Variants in ARMH3 observed in about 807,000 individuals in gnomAD.
ARMH3 encodes armadillo-like helical domain-containing protein 3.
In ARMH3, 60 loss-of-function variants were observed where a neutral mutation model predicts 99.1. The observed-to-expected ratio is 0.61, with a 90% CI of 0.49 to 0.75. The LOEUF is 0.75. ARMH3 is among the 30% of genes least tolerant of loss of function. The pLI, the probability that ARMH3 is intolerant of heterozygous loss-of-function variation, is 0.00. For missense variants in ARMH3, 679 were observed against 843.1 expected (o/e 0.81, Z 2.41); for synonymous variants, 285 against 292.8 (o/e 0.97, Z 0.27).
In ARMH3 at chr10:102,002,079, T is replaced by C. The variant is rs752768288; in HGVS notation, c.1049-7A>G. On this transcript the variant is annotated splice_region_variant and splice_polypyrimidine_tract_variant and intron_variant, in intron 14 of 25. Coordinates refer to ENST00000370033, the MANE Select transcript of ARMH3 (RefSeq NM_024541.3). ...AGTTCCACAGAACTTATAACTGGAATAGAACAGATAAAATGCACTTAGCCT... is the reference window on the plus strand; with the variant it reads ...AGTTCCACAGAACTTATAACTGGAACAGAACAGATAAAATGCACTTAGCCT... 6.2e-7 allele frequency: 1 copy of C among 1,613,582 alleles called. No individual in the cohort carries two copies. The highest frequency in any genetic ancestry group is 8.5e-7 in the Non-Finnish European group (1 of 1,179,956).
At chr10:102,017,642 G>A (rs570470042) in intron 8 of ARMH3, among the ~76,000 whole-genome samples, 1 of 152,170 alleles carries the variant, frequency 6.6e-6, no homozygotes. Context: ...CTGTTGTAAT[G>A]AGGCCCCAGA....
intron 22 of ARMH3, among the ~76,000 whole-genome samples, chr10:101,944,257 TATATATATATATATATAGAGAGAG>T (rs1844380995): frequency 3.2e-5 from 2 of 62,138 alleles, no homozygotes; most frequent in Non-Finnish European, 5.6e-5. Context: ...TATATATATA[TATATATATATATATATAGAGAGAG>T]AGAGAGAGAG....
chr10:102,025,266 T>A lies in ARMH3; in HGVS notation c.415-18A>T. ...ATCAAGTTCTGAGAAAGAGAACCAATAAGCATTAAACCATACCAGATAACA... is the reference window on the plus strand; with the variant it reads ...ATCAAGTTCTGAGAAAGAGAACCAAAAAGCATTAAACCATACCAGATAACA... On this transcript the variant is annotated intron_variant, in intron 5 of 25. Transcript: ENST00000370033. 1 of 1,603,966 alleles carries A rather than the reference T, an allele frequency of 6.2e-7. No homozygotes were observed. Among genetic ancestry groups the A allele is most frequent in the Non-Finnish European group, 8.5e-7 (1 of 1,171,316 alleles).
At chr10:102,031,307 T>C (rs1426027178) in intron 4 of ARMH3, among the ~76,000 whole-genome samples, 1 of 152,190 alleles carries the variant, frequency 6.6e-6, no homozygotes, top group Non-Finnish European at 1.5e-5. Context: ...GAGGGCTATG[T>C]GAAATAATAC....
chr10:101,867,180 T>G lies in ARMH3; in HGVS notation c.1861-17288A>C, dbSNP rs577947991. Among the ~76,000 whole-genome samples the G allele has an allele frequency of 2.6e-5, 4 of 152,364 alleles. No homozygotes were observed. The East Asian group carries it at 7.7e-4, about 29-fold the overall frequency. ...TTATCTTGCTAATCTTCTGCTAGTCTTCTTGTTATATGACAAGAAGGCCTG... is the reference window on the plus strand; with the variant it reads ...TTATCTTGCTAATCTTCTGCTAGTCGTCTTGTTATATGACAAGAAGGCCTG... On this transcript the variant is annotated intron_variant, in intron 24 of 25. Transcript: ENST00000370033.
At chr10:101,919,398 C>T in intron 23 of ARMH3, among the ~76,000 whole-genome samples, 1 of 152,128 alleles carries the variant, frequency 6.6e-6, no homozygotes, top group South Asian at 2.1e-4. Context: ...TCCCAGCTCC[C>T]TCTCTGCTTG....
chr10:101,898,454 T>C (rs2067895232), intron 23 of ARMH3, among the ~76,000 whole-genome samples: 1 of 152,156 alleles, frequency 6.6e-6, no homozygotes, highest in African/African-American at 2.4e-5. Flanking sequence ...CAATCTCCCA[T>C]GGACAGAAGC....
chr10:101,857,372 C>T (rs1329438567), intron 24 of ARMH3, among the ~76,000 whole-genome samples: 1 of 152,080 alleles, frequency 6.6e-6, no homozygotes, highest in African/African-American at 2.4e-5. Flanking sequence ...GCAGGGGAAT[C>T]GCTTGAACCC....
rs573777162 is a variant in ARMH3 at position 102,044,997 on chromosome 10, G to A, written c.-11-4872C>T. Among the ~76,000 whole-genome samples, 3 of 152,004 alleles carry A rather than the reference G, an allele frequency of 2.0e-5. No individual in the cohort carries two copies. The South Asian group carries it at 6.2e-4, about 32-fold the overall frequency. On this transcript the variant is annotated intron_variant, in intron 1 of 25. Transcript: ENST00000370033. ...CTAAAAATATGAAAATTAGACAGGC[G>A]TGATGGCGGGAGCCTGTAATCCCAG...
chr10:101,918,297 G>C (rs1251247681), intron 23 of ARMH3, among the ~76,000 whole-genome samples: 2 of 152,102 alleles, frequency 1.3e-5, no homozygotes, highest in Admixed American at 1.3e-4. Flanking sequence ...CAAGTGATCC[G>C]CTGCCCTCGG....
At chr10:102,026,939 G>T (rs760817518) in intron 5 of ARMH3, among the ~76,000 whole-genome samples, 11 of 152,160 alleles carry the variant, frequency 7.2e-5, no homozygotes, top group South Asian at 4.1e-4. Flanking sequence ...TATCCTCAGT[G>T]CCTACCACAG....
At chr10:101,930,795 T>C (rs1225386480) in intron 23 of ARMH3, among the ~76,000 whole-genome samples, 1 of 152,186 alleles carries the variant, frequency 6.6e-6, no homozygotes, top group African/African-American at 2.4e-5. Context: ...GCTGATAAGA[T>C]TCCCAGACTT....
chr10:101,916,358 C>T (rs1468891704), intron 23 of ARMH3, among the ~76,000 whole-genome samples: 1 of 151,868 alleles, frequency 6.6e-6, no homozygotes, highest in Non-Finnish European at 1.5e-5. Context: ...AGCAACCTAC[C>T]CCCCACCCCC....
chr10:102,026,854 G>A (rs1590203452), intron 5 of ARMH3, among the ~76,000 whole-genome samples: 1 of 152,152 alleles, frequency 6.6e-6, no homozygotes, highest in East Asian at 1.9e-4. Flanking sequence ...ATTTAAAGAT[G>A]GTAAGCTTGT....
At chr10:101,923,467 G>T (rs1477884220) in intron 23 of ARMH3, among the ~76,000 whole-genome samples, 4 of 152,112 alleles carry the variant, frequency 2.6e-5, no homozygotes, top group Non-Finnish European at 5.9e-5. Flanking sequence ...CACTAGCAAG[G>T]CTTGTTTAGG....
In ARMH3 at chr10:102,010,004, G is replaced by C. The variant is rs772097407; in HGVS notation, c.851C>G (p.Ala284Gly). 9 of 1,614,020 alleles carry C rather than the reference G, an allele frequency of 5.6e-6. No homozygotes were observed. In the South Asian group the frequency reaches 9.9e-5, roughly 18 times the overall value. The change falls in exon 12 of 26, where the codon GCA becomes GGA. Residue 284 changes from alanine to glycine, a missense_variant. Ala to Gly is a moderately conservative substitution (Grantham distance 60, BLOSUM62 0). Around this residue, in one of 3 missense-constraint regions of ARMH3, gnomAD observed 280 missense variants for 354.6 expected, o/e 0.79. Coordinates refer to ENST00000370033, the MANE Select transcript of ARMH3 (RefSeq NM_024541.3). ...LTNMVGSMFI[A>G]DAHEKISVQT... ...TACTGAGATTTTCTCATGGGCATCT[G>C]CTATGAACATGCTGCCCACCTGTGG...
intron 22 of ARMH3, among the ~76,000 whole-genome samples, chr10:101,954,417 T>C (rs1352790179): frequency 6.6e-5 from 10 of 152,178 alleles, no homozygotes; most frequent in Non-Finnish European, 1.5e-4. Context: ...TGAAATACTA[T>C]ATGAAAGAAG....
At position 101,926,679 on chromosome 10, in the gene ARMH3, T is replaced by C. The variant is rs906780607; in HGVS notation, c.1781+13184A>G. Among the ~76,000 whole-genome samples, 9 of 152,194 alleles carry C rather than the reference T, an allele frequency of 5.9e-5. 1 individual carries two copies. The highest frequency in any genetic ancestry group is 1.3e-4 in the Non-Finnish European group (9 of 68,024). On this transcript the variant is annotated intron_variant, in intron 23 of 25. Transcript: ENST00000370033. Reference sequence around the variant, plus strand: ...TGTTTATACACTTTGTGGCTAGACCTTATAAAAGTTATAACTAGTAGCCAG... The same window carrying C: ...TGTTTATACACTTTGTGGCTAGACCCTATAAAAGTTATAACTAGTAGCCAG...
At chr10:101,905,842 C>T (rs184493886) in intron 23 of ARMH3, among the ~76,000 whole-genome samples, 1 of 152,334 alleles carries the variant, frequency 6.6e-6, no homozygotes, top group East Asian at 1.9e-4. Context: ...TGCTTATATA[C>T]CTACCATCTA....
Sources: allele counts gnomAD v4.1 joint callset (sites outside exome capture counted in the v4.1 genomes callset), GRCh38; gene constraint gnomAD v4.1.1; regional missense constraint gnomAD v4.1.1; transcripts MANE v1.5; gene names NCBI Gene and HGNC (gene_info 2026-07-23, HGNC 2026-07-21).